Variants in PCDHGA2 observed in about 807,000 individuals in gnomAD.
PCDHGA2 encodes protocadherin gamma subfamily A, 2.
In PCDHGA2, 40 loss-of-function variants were observed where a neutral mutation model predicts 59.2. That is an observed-to-expected ratio of 0.68 (90% CI 0.52 to 0.88). The LOEUF (loss-of-function observed/expected upper bound fraction) is 0.88, where lower values mean the gene tolerates loss of function less well. Among genes scored for constraint, PCDHGA2 ranks in the 40% least tolerant of loss-of-function variants. PCDHGA2 has a pLI of 0.00. For missense variants in PCDHGA2, 1,226 were observed against 1,204.0 expected, an observed-to-expected ratio of 1.02 and a Z score of -0.27; for synonymous variants, 560 against 526.0, an observed-to-expected ratio of 1.06 and a Z score of -0.89.
intron 1 of PCDHGA2, chr5:141,361,620 C>T (rs1265757132): frequency 1.2e-6 from 2 of 1,613,974 alleles, no homozygotes; most frequent in East Asian, 4.5e-5. Context: ...TAGCGAGCGA[C>T]CTGAAGCCGC....
chr5:141,341,749 G>T, intron 1 of PCDHGA2: 1 of 419,826 alleles, frequency 2.4e-6, no homozygotes, highest in Non-Finnish European at 4.2e-6. Flanking sequence ...AAAATATAAA[G>T]ATTGGAGTTT....
intron 1 of PCDHGA2, chr5:141,408,979 C>A (rs1331121466): frequency 6.2e-7 from 1 of 1,613,862 alleles, no homozygotes; most frequent in East Asian, 2.2e-5. Flanking sequence ...CCCCTGGGTC[C>A]CCTGTGTTGC....
In PCDHGA2 at chr5:141,421,687, G is replaced by C. The variant is rs763146085; in HGVS notation, c.2425-73120G>C. On this transcript the variant is annotated intron_variant, in intron 1 of 3. Coordinates refer to ENST00000394576, the MANE Select transcript of PCDHGA2 (RefSeq NM_018915.4). ...GCACGCAATTCCTGGGGCGCGATTT[G>C]CTCTTCCTAATGCTAGGGATCCAGA... 1.3e-5 allele frequency: 21 copies of C among 1,613,788 alleles called. No individual in the cohort carries two copies. Among genetic ancestry groups the C allele is most frequent in the Non-Finnish European group, 1.8e-5 (21 of 1,179,860 alleles).
intron 1 of PCDHGA2, chr5:141,413,826 C>G (rs1363449): frequency 6.2e-7 from 1 of 1,613,180 alleles, no homozygotes; most frequent in Non-Finnish European, 8.5e-7. Flanking sequence ...TGGTCCTCAC[C>G]GCCTCCGACG....
chr5:141,496,992 C>T (rs1055856428), intron 2 of PCDHGA2, among the ~76,000 whole-genome samples: 2 of 151,918 alleles, frequency 1.3e-5, no homozygotes, highest in African/African-American at 2.4e-5. Context: ...TTGAGACCAG[C>T]CTGGCAGCCA....
intron 1 of PCDHGA2, chr5:141,421,426 A>T: frequency 1.2e-6 from 2 of 1,614,104 alleles, no homozygotes; most frequent in Non-Finnish European, 8.5e-7. Flanking sequence ...CGGAGTCCGC[A>T]TCGTCTCCAG....
Position 141,431,428 on chromosome 5 carries a change from A to G in PCDHGA2, c.2425-63379A>G. The stretch of plus-strand genomic sequence containing the variant: ...CCGACGGGGGCGACCCGGTGCGCAC[A>G]GGCACCGCGCGCATCCGCGTGATGG... On this transcript the variant is annotated intron_variant, in intron 1 of 3. Transcript: ENST00000394576. This position sits in a 1 kb window ranked among gnomAD's most constrained non-coding sequence, Gnocchi z 4.8. The G allele has an allele frequency of 6.2e-7, 1 of 1,613,664 alleles. No individual in the cohort carries two copies. Among genetic ancestry groups the G allele is most frequent in the Non-Finnish European group, 8.5e-7 (1 of 1,179,998 alleles).
chr5:141,445,276 C>T (rs761058385), intron 1 of PCDHGA2, among the ~76,000 whole-genome samples: 1 of 152,218 alleles, frequency 6.6e-6, no homozygotes, highest in Non-Finnish European at 1.5e-5. Flanking sequence ...AACCACTCTG[C>T]ATAAGTTCAG....
intron 1 of PCDHGA2, among the ~76,000 whole-genome samples, chr5:141,462,355 A>T (rs1592773702): frequency 6.6e-6 from 1 of 152,226 alleles, no homozygotes; most frequent in East Asian, 1.9e-4. Context: ...AAAAATATAC[A>T]TTGTATAGTT....
rs1025148587 is a variant in PCDHGA2 at position 141,431,434 on chromosome 5, C to A, written c.2425-63373C>A. ...GGGGCGACCCGGTGCGCACAGGCAC[C>A]GCGCGCATCCGCGTGATGGTTCTGG... On this transcript the variant is annotated intron_variant, in intron 1 of 3. Transcript: ENST00000394576. This position sits in a 1 kb window ranked among gnomAD's most constrained non-coding sequence, Gnocchi z 4.8. 1.2e-6 allele frequency: 2 copies of A among 1,613,690 alleles called. No homozygotes were observed. Among genetic ancestry groups the A allele is most frequent in the Admixed American group, 1.7e-5 (1 of 60,014 alleles).
chr5:141,489,312 G>A lies in PCDHGA2; in HGVS notation c.2425-5495G>A, dbSNP rs745541067. The A allele has an allele frequency of 2.5e-6, 4 of 1,594,972 alleles. No homozygotes were observed. The highest frequency in any genetic ancestry group is 2.6e-6 in the Non-Finnish European group (3 of 1,169,822). On this transcript the variant is annotated intron_variant, in intron 1 of 3. Transcript: ENST00000394576. This position sits in a 1 kb window ranked among gnomAD's most constrained non-coding sequence, Gnocchi z 4.5. ...TGTGCATGTTGTCCTTGTGCTGCTG[G>A]GGCTGGGTGTCTGGGCAGCTTCGTT...
intron 3 of PCDHGA2, among the ~76,000 whole-genome samples, chr5:141,508,439 T>C (rs1037512760): frequency 1.3e-5 from 2 of 152,188 alleles, no homozygotes; most frequent in African/African-American, 4.8e-5. Flanking sequence ...ACACAGTTCC[T>C]TAGTGGCAGA....
intron 1 of PCDHGA2, among the ~76,000 whole-genome samples, chr5:141,439,076 C>G (rs1358035789): frequency 6.6e-6 from 1 of 151,590 alleles, no homozygotes; most frequent in East Asian, 2.0e-4. Context: ...GCCTGTAATC[C>G]CAGCTACTCA....
At position 141,512,765 on chromosome 5, in the gene PCDHGA2, G is replaced by C. The variant is rs988707269; in HGVS notation, c.*1592G>C. 1 of 152,668 alleles carries C rather than the reference G, an allele frequency of 6.6e-6. No individual in the cohort carries two copies. The highest frequency in any genetic ancestry group is 1.5e-5 in the Non-Finnish European group (1 of 68,460). The allele number at this position is 152,668 out of a possible 1,614,324, so 9.5% of individuals were successfully genotyped here. On this transcript the variant is annotated 3_prime_UTR_variant, in exon 4 of 4. Transcript: ENST00000394576. ...CCGCGCAGCCGTCTGTCCTTGATCT[G>C]CCCGCGGCGGCCCGTGTTGTGTTTT...
intron 1 of PCDHGA2, chr5:141,360,011 A>T: frequency 2.0e-5 from 25 of 1,240,972 alleles, no homozygotes; most frequent in Non-Finnish European, 2.7e-5. Context: ...AACCAACCAC[A>T]CAGAGAAGGC....
chr5:141,441,672 GCCTTCGA>G (rs1327551430), intron 1 of PCDHGA2: 1 of 290,468 alleles, frequency 3.4e-6, no homozygotes, highest in Non-Finnish European at 6.8e-6. Flanking sequence ...CGCACAGTGC[GCCTTCGA>G]CCAAGAGCAG....
At position 141,432,032 on chromosome 5, in the gene PCDHGA2, A is replaced by G; in HGVS notation, c.2425-62775A>G. On this transcript the variant is annotated intron_variant, in intron 1 of 3. Coordinates refer to ENST00000394576, the MANE Select transcript of PCDHGA2 (RefSeq NM_018915.4). The surrounding 1 kb of genome is among the most constrained non-coding windows in gnomAD (Gnocchi z 6.0). ...TAGCTACAACATCACAGTGACCGCC[A>G]CTGACCGGGGAACCCCGCCCCTATC... 2 of 1,614,242 alleles carry G rather than the reference A, an allele frequency of 1.2e-6. No homozygotes were observed. Among genetic ancestry groups the G allele is most frequent in the South Asian group, 1.1e-5 (1 of 91,086 alleles).
At chr5:141,404,875 C>A in intron 1 of PCDHGA2, 1 of 1,613,904 alleles carries the variant, frequency 6.2e-7, no homozygotes, top group Non-Finnish European at 8.5e-7. Context: ...TCAAACAGAG[C>A]CTTGTGGTGG....
chr5:141,510,919 C>T (rs748157000), intron 3 of PCDHGA2, 28 bp from the exon 4 acceptor site: 1 of 1,613,894 alleles, frequency 6.2e-7, no homozygotes, highest in East Asian at 2.2e-5. Context: ...AAGTTTAGCT[C>T]CCACCTGATC....
Sources: allele counts gnomAD v4.1 joint callset (sites outside exome capture counted in the v4.1 genomes callset), GRCh38; gene constraint gnomAD v4.1.1; non-coding constraint Gnocchi (gnomAD v3.1); transcripts MANE v1.5; gene names NCBI Gene and HGNC (gene_info 2026-07-23, HGNC 2026-07-21).